The following DLGAP2 variants were observed in gnomAD, a reference collection of about 807,000 sequenced individuals.
The protein encoded by DLGAP2 is disks large-associated protein 2.
Under a neutral mutation model 100.3 loss-of-function variants are expected in DLGAP2, and 26 were observed. The observed-to-expected ratio is 0.26, with a 90% CI of 0.19 to 0.36. The LOEUF (loss-of-function observed/expected upper bound fraction) is 0.36. Among genes scored for constraint, DLGAP2 ranks in the 10% least tolerant of loss-of-function variants. The pLI is 1.00. For synonymous variants in DLGAP2, 886 were observed against 630.1 expected, an observed-to-expected ratio of 1.41 and a Z score of -6.08; for missense variants, 1,858 against 1,453.2, an observed-to-expected ratio of 1.28 and a Z score of -4.53.
chr8:911,980 G>A (rs1054462255), intron 2 of DLGAP2, among the ~76,000 whole-genome samples: 1 of 152,202 alleles, frequency 6.6e-6, no homozygotes, highest in African/African-American at 2.4e-5. Context: ...GGAAAATTAA[G>A]TTACACAGTT....
chr8:1,632,067 G>A (rs188147755), intron 7 of DLGAP2, among the ~76,000 whole-genome samples: 1 of 152,150 alleles, frequency 6.6e-6, no homozygotes, highest in East Asian at 1.9e-4. Context: ...TGAATGGGAG[G>A]GGGTGAGGGG....
At chr8:1,408,636 G>T (rs78508518) in intron 3 of DLGAP2, among the ~76,000 whole-genome samples, 1 of 152,122 alleles carries the variant, frequency 6.6e-6, no homozygotes, top group African/African-American at 2.4e-5. Context: ...ATGGATTCAC[G>T]CATAACTTTG....
At chr8:1,452,581 A>G (rs912994677) in intron 3 of DLGAP2, among the ~76,000 whole-genome samples, 2 of 152,192 alleles carry the variant, frequency 1.3e-5, no homozygotes, top group Middle Eastern at 6.3e-3. Context: ...TTGCCAGGCA[A>G]AGGGTGGAGG....
intron 3 of DLGAP2, among the ~76,000 whole-genome samples, chr8:1,303,666 G>A (rs1255187383): frequency 1.3e-5 from 2 of 152,120 alleles, no homozygotes; most frequent in Admixed American, 1.3e-4. Flanking sequence ...CAACACTCAG[G>A]AGCCCGCAGG....
At chr8:1,206,654 G>A (rs1798001158) in intron 2 of DLGAP2, among the ~76,000 whole-genome samples, 1 of 151,936 alleles carries the variant, frequency 6.6e-6, no homozygotes, top group African/African-American at 2.4e-5. Flanking sequence ...AGCCATCCGT[G>A]GACTGGGGTA....
intron 1 of DLGAP2, among the ~76,000 whole-genome samples, chr8:802,718 A>G (rs1339950875): frequency 6.6e-6 from 1 of 152,108 alleles, no homozygotes; most frequent in Non-Finnish European, 1.5e-5. Flanking sequence ...GACAGGTTGC[A>G]TCTTTCTGTA....
At chr8:1,254,050 C>A (rs371772983) in intron 2 of DLGAP2, among the ~76,000 whole-genome samples, 1 of 152,200 alleles carries the variant, frequency 6.6e-6, no homozygotes, top group East Asian at 1.9e-4. Flanking sequence ...TGAGCCGCCT[C>A]GTGAGGCTTC....
intron 2 of DLGAP2, among the ~76,000 whole-genome samples, chr8:1,229,458 A>G (rs916816548): frequency 6.6e-6 from 1 of 152,144 alleles, no homozygotes; most frequent in African/African-American, 2.4e-5. Context: ...TGGCAAGATT[A>G]TGTATTTCCA....
intron 3 of DLGAP2, among the ~76,000 whole-genome samples, chr8:1,454,158 C>T (rs956213858): frequency 3.3e-5 from 5 of 152,174 alleles, no homozygotes; most frequent in South Asian, 2.1e-4. Flanking sequence ...TTCGGGTCTT[C>T]GCAAACCCTC....
intron 6 of DLGAP2, among the ~76,000 whole-genome samples, chr8:1,593,363 G>C (rs1038457309): frequency 3.3e-5 from 5 of 152,016 alleles, no homozygotes; most frequent in African/African-American, 1.2e-4. Flanking sequence ...GCTGAGGCAG[G>C]AGAATCACGT....
At chr8:1,189,625 G>A (rs777913553) in intron 2 of DLGAP2, among the ~76,000 whole-genome samples, 17 of 152,228 alleles carry the variant, frequency 1.1e-4, no homozygotes, top group Admixed American at 3.3e-4. Flanking sequence ...ACGTTTAGCA[G>A]TTGACGTGTG....
At chr8:1,455,290 T>TG (rs1426338194) in intron 3 of DLGAP2, among the ~76,000 whole-genome samples, 1 of 152,232 alleles carries the variant, frequency 6.6e-6, no homozygotes, top group Non-Finnish European at 1.5e-5. Flanking sequence ...TCTCATGCGC[T>TG]GGGGCAGGGC....
intron 12 of DLGAP2, among the ~76,000 whole-genome samples, chr8:1,687,039 A>C (rs1799134097): frequency 6.6e-6 from 1 of 152,140 alleles, no homozygotes; most frequent in Admixed American, 6.5e-5. Context: ...GTGCTCAAAA[A>C]CATGAAAATC....
intron 6 of DLGAP2, among the ~76,000 whole-genome samples, chr8:1,619,529 T>G (rs1375717863): frequency 6.6e-6 from 1 of 152,216 alleles, no homozygotes; most frequent in East Asian, 1.9e-4. Flanking sequence ...TAAGAAAAAT[T>G]TAAACAGTTG....
At chr8:1,274,318 C>A (rs908419756) in intron 3 of DLGAP2, among the ~76,000 whole-genome samples, 1 of 152,156 alleles carries the variant, frequency 6.6e-6, no homozygotes, top group Admixed American at 6.5e-5. Flanking sequence ...TGCCCCCACA[C>A]AGACTCTCAT....
intron 1 of DLGAP2, among the ~76,000 whole-genome samples, chr8:807,154 C>T (rs1417951929): frequency 6.6e-6 from 1 of 152,194 alleles, no homozygotes; most frequent in Non-Finnish European, 1.5e-5. Flanking sequence ...GCTGGTGGCA[C>T]GACATTTCAT....
Position 1,007,624 on chromosome 8 carries a change from GT to G in DLGAP2, c.73+99669del, listed in dbSNP as rs71528631. On this transcript the variant is annotated intron_variant, in intron 2 of 14. Transcript: ENST00000637795. ...CCAGTGGTGGTCTTCTCTATGGGTA[GT>G]TTTTTTTTTTGGGGGGGGGATCTTC... 5.0e-4 allele frequency among the ~76,000 whole-genome samples: 57 copies of G among 114,768 alleles called. 2 individuals carry two copies. Among genetic ancestry groups the G allele is most frequent in the African/African-American group, 1.0e-3 (28 of 28,012 alleles). 75.3% of individuals were successfully genotyped at this position (114,768 alleles called of 152,430 possible). A position where few individuals can be genotyped will look rare whatever the true frequency, so the allele number is the denominator to read the frequency against.
At chr8:815,126 C>T (rs140289058) in intron 1 of DLGAP2, among the ~76,000 whole-genome samples, 1 of 152,196 alleles carries the variant, frequency 6.6e-6, no homozygotes, top group African/African-American at 2.4e-5. Flanking sequence ...CTGCTACAAC[C>T]AAATGCTTGA....
intron 1 of DLGAP2, among the ~76,000 whole-genome samples, chr8:848,774 G>C (rs1381589674): frequency 4.0e-5 from 6 of 149,940 alleles, no homozygotes; most frequent in Non-Finnish European, 1.5e-5. Flanking sequence ...GCGTGTTCCA[G>C]TGTAGGGTCG....
Sources: allele counts gnomAD v4.1 joint callset (sites outside exome capture counted in the v4.1 genomes callset), GRCh38; gene constraint gnomAD v4.1.1; transcripts MANE v1.5; gene names NCBI Gene and HGNC (gene_info 2026-07-23, HGNC 2026-07-21).